The following TMCC1 variants were observed in gnomAD, a reference collection of about 807,000 sequenced individuals.
TMCC1 encodes transmembrane and coiled-coil domains protein 1.
A neutral mutation model predicts 52.4 loss-of-function variants in TMCC1; 15 were observed. That is an observed-to-expected ratio of 0.29 (90% confidence interval 0.19 to 0.44). The LOEUF is 0.44. TMCC1 is among the 20% of genes least tolerant of loss of function. The probability of loss-of-function intolerance (pLI) is 1.00; values close to 1 mark genes in which losing one functional copy is unlikely to be tolerated. For missense variants in TMCC1, 503 were observed against 806.0 expected (o/e 0.62, Z 4.55); for synonymous variants, 279 against 301.9 (o/e 0.92, Z 0.79).
chr3:129,726,890 A>AAAAAAAAAAAAAAAAAAAAAAAAAAAAC (rs2050142835), intron 4 of TMCC1, among the ~76,000 whole-genome samples: 2 of 143,306 alleles, frequency 1.4e-5, no homozygotes, highest in Non-Finnish European at 3.1e-5. Context: ...AAAAAAAAAA[A>AAAAAAAAAAAAAAAAAAAAAAAAAAAAC]AAAAAAAAGA....
intron 4 of TMCC1, among the ~76,000 whole-genome samples, chr3:129,694,505 A>C (rs1024373946): frequency 1.2e-4 from 19 of 152,224 alleles, no homozygotes; most frequent in African/African-American, 4.6e-4. Context: ...ATTCTTAGTC[A>C]CAAGATGAGA....
intron 4 of TMCC1, among the ~76,000 whole-genome samples, chr3:129,799,171 C>A (rs2057031426): frequency 6.6e-6 from 1 of 152,082 alleles, no homozygotes; most frequent in Non-Finnish European, 1.5e-5. Flanking sequence ...CAAATAAGGT[C>A]TTTATTTGGA....
chr3:129,827,259 G>A (rs2058698502), intron 4 of TMCC1, among the ~76,000 whole-genome samples: 1 of 147,638 alleles, frequency 6.8e-6, no homozygotes, highest in South Asian at 2.1e-4. Flanking sequence ...CTGGTTTTGG[G>A]TAAACCCAAA....
chr3:129,665,949 C>A (rs2087415214), intron 5 of TMCC1, among the ~76,000 whole-genome samples: 1 of 152,186 alleles, frequency 6.6e-6, no homozygotes, highest in Non-Finnish European at 1.5e-5. Flanking sequence ...GTGGCCTTGT[C>A]ACCATCATCA....
intron 4 of TMCC1, among the ~76,000 whole-genome samples, chr3:129,770,981 A>C (rs2054530430): frequency 6.6e-6 from 1 of 152,268 alleles, no homozygotes; most frequent in African/African-American, 2.4e-5. Flanking sequence ...CAAATCAATT[A>C]AGAAAATACG....
intron 1 of TMCC1, among the ~76,000 whole-genome samples, chr3:129,887,705 T>C (rs749772084): frequency 7.2e-5 from 11 of 151,916 alleles, no homozygotes; most frequent in Non-Finnish European, 1.0e-4. Context: ...GGCAAAACTA[T>C]AGAGACAGTT....
chr3:129,828,174 C>T lies in TMCC1; in HGVS notation c.205G>A (p.Asp69Asn). 1 of 1,614,138 alleles carries T rather than the reference C, an allele frequency of 6.2e-7. No individual in the cohort carries two copies. Among genetic ancestry groups the T allele is most frequent in the Non-Finnish European group, 8.5e-7 (1 of 1,180,028 alleles). The change falls in exon 4 of 7, where the codon GAT becomes AAT. Residue 69 changes from aspartate to asparagine, a missense_variant. Physicochemically the swap from Asp to Asn is conservative, Grantham distance 23. Around this residue, in one of 7 missense-constraint regions of TMCC1, gnomAD observed 217 missense variants for 297.9 expected, o/e 0.73. Coordinates refer to ENST00000393238, the MANE Select transcript of TMCC1 (RefSeq NM_001017395.5). This position sits in a 1 kb window ranked among gnomAD's most constrained non-coding sequence, Gnocchi z 4.1. ...GGATCTGCCTGAATTTGCTGCACATCATGTGGAGACACTGATGACCTCCTG... is the reference window on the plus strand; with the variant it reads ...GGATCTGCCTGAATTTGCTGCACATTATGTGGAGACACTGATGACCTCCTG... Reference protein sequence around the residue: ...QRRRSSVSPHDVQQIQADPEP... With the variant: ...QRRRSSVSPHNVQQIQADPEP...
At chr3:129,891,804 G>A (rs536528107) in intron 1 of TMCC1, among the ~76,000 whole-genome samples, 1 of 152,192 alleles carries the variant, frequency 6.6e-6, no homozygotes, top group Non-Finnish European at 1.5e-5. Context: ...ACTCTGAGGA[G>A]CTTAAACCTA....
intron 4 of TMCC1, among the ~76,000 whole-genome samples, chr3:129,706,615 T>TCCTA (rs919751561): frequency 1.3e-5 from 2 of 152,144 alleles, no homozygotes; most frequent in African/African-American, 4.8e-5. Context: ...AGTACAGACT[T>TCCTA]CCTACTAGCA....
At chr3:129,783,934 T>C (rs986968240) in intron 4 of TMCC1, among the ~76,000 whole-genome samples, 3 of 151,992 alleles carry the variant, frequency 2.0e-5, no homozygotes, top group African/African-American at 7.2e-5. Flanking sequence ...GGAAAGAATA[T>C]TGGCAGAGAC....
intron 4 of TMCC1, among the ~76,000 whole-genome samples, chr3:129,753,828 C>G (rs537341011): frequency 6.6e-6 from 1 of 151,812 alleles, no homozygotes; most frequent in African/African-American, 2.4e-5. Flanking sequence ...TTTAACAACA[C>G]GAAGTACTAA....
Position 129,670,681 on chromosome 3 carries a change from G to C in TMCC1, c.1160C>G (p.Pro387Arg). ...TTCCTCTAAAGAGTCCTTCAGGTTG[G>C]GGATGTTGTCTGCACTGCCAAATTT... Reference protein sequence around the residue: ...RNKFGSADNIPNLKDSLEEGQ... With the variant: ...RNKFGSADNIRNLKDSLEEGQ... The change falls in exon 5 of 7, where the codon CCC (proline) becomes CGC (arginine). Residue 387 changes from proline to arginine, a missense_variant. By Grantham distance (103) the Pro-to-Arg change is moderately radical (BLOSUM62 -2). Around this residue, in one of 7 missense-constraint regions of TMCC1, gnomAD observed 38 missense variants for 29.8 expected, o/e 1.28. Transcript: ENST00000393238. 1 of 1,614,196 alleles carries C rather than the reference G, an allele frequency of 6.2e-7. No individual in the cohort carries two copies. The highest frequency in any genetic ancestry group is 1.1e-5 in the South Asian group (1 of 91,082).
chr3:129,778,669 C>T (rs1175858559), intron 4 of TMCC1, among the ~76,000 whole-genome samples: 2 of 24,164 alleles, frequency 8.3e-5, no homozygotes, highest in Non-Finnish European at 3.1e-4. Context: ...GTGATTAGAT[C>T]ATGGTGGGGG....
intron 2 of TMCC1, among the ~76,000 whole-genome samples, chr3:129,846,669 T>C (rs2059678081): frequency 6.6e-6 from 1 of 152,024 alleles, no homozygotes; most frequent in South Asian, 2.1e-4. Context: ...AACCCAGTAA[T>C]AGGAAATCCA....
chr3:129,813,789 C>T (rs1222641810), intron 4 of TMCC1, among the ~76,000 whole-genome samples: 2 of 149,806 alleles, frequency 1.3e-5, no homozygotes, highest in African/African-American at 4.9e-5. Flanking sequence ...CACTCCTGAA[C>T]CTAAAATAAA....
chr3:129,800,733 T>C (rs2057134764), intron 4 of TMCC1, among the ~76,000 whole-genome samples: 1 of 152,130 alleles, frequency 6.6e-6, no homozygotes, highest in Non-Finnish European at 1.5e-5. Context: ...CATATTTTGC[T>C]ATTTAACCTT....
At chr3:129,681,456 T>C (rs1322023527) in intron 4 of TMCC1, among the ~76,000 whole-genome samples, 3 of 152,206 alleles carry the variant, frequency 2.0e-5, no homozygotes, top group Non-Finnish European at 2.9e-5. Context: ...AACGTTTTTT[T>C]TTTTCAGTAG....
intron 4 of TMCC1, among the ~76,000 whole-genome samples, chr3:129,805,151 T>TTTTA (rs145843865): frequency 2.7e-3 from 410 of 152,026 alleles, no homozygotes; most frequent in African/African-American, 4.7e-3. Context: ...AAAGTCACCT[T>TTTTA]TTTATTTATT....
At chr3:129,759,361 G>A (rs886175218) in intron 4 of TMCC1, among the ~76,000 whole-genome samples, 3 of 150,746 alleles carry the variant, frequency 2.0e-5, no homozygotes, top group Non-Finnish European at 4.4e-5. Flanking sequence ...TGGGCCTCCT[G>A]GTTTCAAGCG....
Sources: allele counts gnomAD v4.1 joint callset (sites outside exome capture counted in the v4.1 genomes callset), GRCh38; gene constraint gnomAD v4.1.1; regional missense constraint gnomAD v4.1.1; non-coding constraint Gnocchi (gnomAD v3.1); transcripts MANE v1.5; gene names NCBI Gene and HGNC (gene_info 2026-07-23, HGNC 2026-07-21).